The following CLVS2 variants were observed in gnomAD, a reference collection of about 807,000 sequenced individuals.
The protein encoded by CLVS2 is clavesin-2.
In CLVS2, 19 loss-of-function variants were observed where a neutral mutation model predicts 29.0. That is an observed-to-expected ratio of 0.66 (90% CI 0.46 to 0.96). The LOEUF is 0.96. CLVS2 is among the 40% of genes least tolerant of loss of function. The probability of loss-of-function intolerance (pLI) is 0.00; values close to 1 mark genes in which losing one functional copy is unlikely to be tolerated. For missense variants in CLVS2, 294 were observed against 404.1 expected, an observed-to-expected ratio of 0.73 and a Z score of 2.34; for synonymous variants, 161 against 151.3, an observed-to-expected ratio of 1.06 and a Z score of -0.47.
At chr6:123,003,155 T>C (rs1203449510) in intron 2 of CLVS2, among the ~76,000 whole-genome samples, 1 of 152,152 alleles carries the variant, frequency 6.6e-6, no homozygotes, top group Non-Finnish European at 1.5e-5. Flanking sequence ...ATTAGTAAAA[T>C]AATCCCGAAA....
rs1475153682 is a variant in CLVS2 at position 123,067,999 on chromosome 6, T to A, written c.*4238T>A. ...TAACATTATTATATTATGATCTCAA[T>A]GGCTTAGAGAATATAATCTTTTTTA... On this transcript the variant is annotated 3_prime_UTR_variant, in exon 6 of 6. Coordinates refer to ENST00000275162, the MANE Select transcript of CLVS2 (RefSeq NM_001010852.4). 1 of 151,872 alleles carries A rather than the reference T, an allele frequency of 6.6e-6. No homozygotes were observed. The highest frequency in any genetic ancestry group is 1.9e-4 in the East Asian group (1 of 5,190). The allele number at this position is 151,872 out of a possible 1,614,324, so 9.4% of individuals were successfully genotyped here. A position where few individuals can be genotyped will look rare whatever the true frequency, so the allele number is the denominator to read the frequency against.
At chr6:123,005,647 A>G (rs570073419) in intron 2 of CLVS2, among the ~76,000 whole-genome samples, 1 of 152,306 alleles carries the variant, frequency 6.6e-6, no homozygotes, top group South Asian at 2.1e-4. Flanking sequence ...CCCAGCAAAG[A>G]AGCATGGGTC....
intron 3 of CLVS2, among the ~76,000 whole-genome samples, chr6:123,039,496 T>C (rs1775198785): frequency 6.6e-6 from 1 of 152,196 alleles, no homozygotes; most frequent in Non-Finnish European, 1.5e-5. Context: ...CGTTCTCTCC[T>C]GCTGTTGTGC....
chr6:123,067,009 G>T lies in CLVS2; in HGVS notation c.*3248G>T, dbSNP rs975518704. 6.6e-6 allele frequency: 1 copy of T among 151,696 alleles called. No homozygotes were observed. The highest frequency in any genetic ancestry group is 1.5e-5 in the Non-Finnish European group (1 of 67,718). The allele number at this position is 151,696 out of a possible 1,614,324, so 9.4% of individuals were successfully genotyped here. A position where few individuals can be genotyped will look rare whatever the true frequency, so the allele number is the denominator to read the frequency against. ...TTTTGCAAGCAAGTTTTTGAAGTGGGCATGCATGAATTCTTTCATTTCAGT... is the reference window on the plus strand; with the variant it reads ...TTTTGCAAGCAAGTTTTTGAAGTGGTCATGCATGAATTCTTTCATTTCAGT... On this transcript the variant is annotated 3_prime_UTR_variant, in exon 6 of 6. Coordinates refer to ENST00000275162, the MANE Select transcript of CLVS2 (RefSeq NM_001010852.4).
chr6:123,028,714 C>G (rs772440026), intron 3 of CLVS2, among the ~76,000 whole-genome samples: 1 of 152,112 alleles, frequency 6.6e-6, no homozygotes, highest in Non-Finnish European at 1.5e-5. Context: ...GCGCCTGTTT[C>G]TTTGAACACT....
At chr6:123,022,410 A>G (rs1336206187) in intron 3 of CLVS2, among the ~76,000 whole-genome samples, 1 of 152,006 alleles carries the variant, frequency 6.6e-6, no homozygotes, top group African/African-American at 2.4e-5. Context: ...GAAGCTCCTT[A>G]ATGCCTTAAA....
intron 3 of CLVS2, among the ~76,000 whole-genome samples, chr6:123,040,466 C>T (rs1024105881): frequency 6.6e-6 from 1 of 152,026 alleles, no homozygotes; most frequent in African/African-American, 2.4e-5. Context: ...AAAAGAGTAA[C>T]GTTGTGTTCT....
intron 3 of CLVS2, among the ~76,000 whole-genome samples, chr6:123,038,713 T>C (rs1451724331): frequency 2.6e-5 from 4 of 152,170 alleles, no homozygotes; most frequent in African/African-American, 9.6e-5. Context: ...TTTTTTCTTT[T>C]GGTCATTAGG....
intron 3 of CLVS2, among the ~76,000 whole-genome samples, chr6:123,024,673 A>G (rs1774974441): frequency 6.6e-6 from 1 of 152,194 alleles, no homozygotes; most frequent in African/African-American, 2.4e-5. Context: ...AAGGACTATG[A>G]GAAAGATATC....
chr6:123,062,986 G>T (rs1772801078), intron 5 of CLVS2, among the ~76,000 whole-genome samples: 1 of 152,174 alleles, frequency 6.6e-6, no homozygotes, highest in Non-Finnish European at 1.5e-5. Context: ...GCTATCAAAG[G>T]CATGTATAAG....
chr6:123,004,530 A>T (rs1160905571), intron 2 of CLVS2, among the ~76,000 whole-genome samples: 1 of 152,192 alleles, frequency 6.6e-6, no homozygotes, highest in Non-Finnish European at 1.5e-5. Context: ...TTCCTCCACC[A>T]AAGCTCCCTA....
intron 3 of CLVS2, among the ~76,000 whole-genome samples, chr6:123,025,687 G>A (rs913496630): frequency 3.3e-5 from 5 of 151,990 alleles, no homozygotes; most frequent in African/African-American, 1.2e-4. Flanking sequence ...ATGTCCCCAG[G>A]GAACATAAGT....
chr6:123,024,671 T>A (rs1279828166), intron 3 of CLVS2, among the ~76,000 whole-genome samples: 1 of 152,146 alleles, frequency 6.6e-6, no homozygotes. Flanking sequence ...AAAAGGACTA[T>A]GAGAAAGATA....
intron 4 of CLVS2, among the ~76,000 whole-genome samples, chr6:123,054,549 A>G (rs1006153155): frequency 6.6e-6 from 1 of 152,226 alleles, no homozygotes; most frequent in African/African-American, 2.4e-5. Context: ...TTGTAGAGTA[A>G]TCTTTCTTTG....
intron 2 of CLVS2, 72 bp downstream of exon 2, chr6:122,998,238 A>T (rs918934255): frequency 4.1e-6 from 6 of 1,474,164 alleles, no homozygotes; most frequent in Non-Finnish European, 5.5e-6. Flanking sequence ...GAGTAGTGTC[A>T]TGGTTTTGTA....
chr6:123,013,481 G>T (rs1000628603), intron 3 of CLVS2, among the ~76,000 whole-genome samples: 5 of 151,744 alleles, frequency 3.3e-5, no homozygotes, highest in Admixed American at 1.3e-4. Flanking sequence ...AATTATAGGG[G>T]ATTGAACCAA....
chr6:123,033,133 T>C (rs897542578), intron 3 of CLVS2, among the ~76,000 whole-genome samples: 1 of 152,112 alleles, frequency 6.6e-6, no homozygotes. Context: ...TATTATTTGG[T>C]TCATGAAGAT....
intron 3 of CLVS2, among the ~76,000 whole-genome samples, chr6:123,017,623 G>A (rs1307232770): frequency 1.3e-5 from 2 of 152,082 alleles, no homozygotes; most frequent in Non-Finnish European, 2.9e-5. Flanking sequence ...GTGTGAGAAT[G>A]TAGTTTGGCT....
At position 123,068,718 on chromosome 6, in the gene CLVS2, GTTA is replaced by G. The variant is rs974438607; in HGVS notation, c.*4961_*4963del. 3.3e-5 allele frequency: 5 copies of G among 151,660 alleles called. No homozygotes were observed. Among genetic ancestry groups the G allele is most frequent in the Non-Finnish European group, 7.4e-5 (5 of 67,712 alleles). The allele number at this position is 151,660 out of a possible 1,614,324, so 9.4% of individuals were successfully genotyped here. A position where few individuals can be genotyped will look rare whatever the true frequency, so the allele number is the denominator to read the frequency against. Reference sequence around the variant, plus strand: ...ATATTATTTGCTATTTTACTCAAATGTTATTAATTTTTACTACTACAAACTACT... The same window carrying G: ...ATATTATTTGCTATTTTACTCAAATGTTAATTTTTACTACTACAAACTACT... On this transcript the variant is annotated 3_prime_UTR_variant, in exon 6 of 6. Transcript: ENST00000275162.
Sources: allele counts gnomAD v4.1 joint callset (sites outside exome capture counted in the v4.1 genomes callset), GRCh38; gene constraint gnomAD v4.1.1; transcripts MANE v1.5; gene names NCBI Gene and HGNC (gene_info 2026-07-23, HGNC 2026-07-21).